The following ZNF148 variants were observed in gnomAD, a reference collection of about 807,000 sequenced individuals.
ZNF148 encodes zinc finger protein 148.
ZNF148 carries 7 observed loss-of-function variants against 67.7 expected under a neutral mutation model. That is an observed-to-expected ratio of 0.10 (90% CI 0.06 to 0.19). The LOEUF (loss-of-function observed/expected upper bound fraction) is 0.19, where lower values mean the gene tolerates loss of function less well. Ranked by LOEUF, ZNF148 falls within the 10% of genes least tolerant of loss-of-function variation. ZNF148 has a pLI of 1.00. For missense variants in ZNF148, 583 were observed against 947.1 expected (o/e 0.62, Z 5.05); for synonymous variants, 333 against 330.7 (o/e 1.01, Z -0.08).
chr3:125,369,361 G>A (rs1438147773), intron 1 of ZNF148, among the ~76,000 whole-genome samples: 2 of 61,692 alleles, frequency 3.2e-5, no homozygotes, highest in Admixed American at 2.5e-4. Context: ...AAACTCTCCA[G>A]AAGACAAAGA....
intron 7 of ZNF148, among the ~76,000 whole-genome samples, chr3:125,236,083 A>G (rs1050262549): frequency 1.9e-5 from 2 of 103,238 alleles, no homozygotes; most frequent in Non-Finnish European, 3.9e-5. Flanking sequence ...CATGTATCCT[A>G]AAACTTAAAG....
At chr3:125,268,270 C>G (rs1357155368) in intron 7 of ZNF148, among the ~76,000 whole-genome samples, 1 of 138,088 alleles carries the variant, frequency 7.2e-6, no homozygotes, top group Non-Finnish European at 1.6e-5. Flanking sequence ...AAAGCCAAAG[C>G]AATCCTAGCC....
intron 1 of ZNF148, among the ~76,000 whole-genome samples, chr3:125,332,992 T>C (rs1941349406): frequency 1.3e-5 from 2 of 152,306 alleles, no homozygotes; most frequent in South Asian, 4.1e-4. Flanking sequence ...CTGCAAAGCC[T>C]ATAGACAGGG....
At chr3:125,312,611 T>C (rs1940275777) in intron 4 of ZNF148, among the ~76,000 whole-genome samples, 2 of 152,126 alleles carry the variant, frequency 1.3e-5, no homozygotes. Context: ...TGACTGAGGG[T>C]AATATCTCAA....
intron 4 of ZNF148, among the ~76,000 whole-genome samples, chr3:125,294,662 A>G (rs1003725407): frequency 6.6e-6 from 1 of 152,180 alleles, no homozygotes; most frequent in Non-Finnish European, 1.5e-5. Flanking sequence ...AATACAATAC[A>G]TGGGGAAGAC....
At chr3:125,338,659 C>CAAA (rs757727396) in intron 1 of ZNF148, among the ~76,000 whole-genome samples, 15,255 of 50,924 alleles carry the variant, frequency 0.3, 4,355 homozygotes, top group Middle Eastern at 0.41. Context: ...GACCCTGTCT[C>CAAA]AAAAAAAAAA....
At chr3:125,322,622 T>C (rs1940834962) in intron 3 of ZNF148, among the ~76,000 whole-genome samples, 1 of 152,128 alleles carries the variant, frequency 6.6e-6, no homozygotes, top group Non-Finnish European at 1.5e-5. Flanking sequence ...ATACAGAAAC[T>C]GCATAGAAGA....
intron 5 of ZNF148, among the ~76,000 whole-genome samples, chr3:125,282,399 T>C (rs1205932218): frequency 1.3e-5 from 2 of 152,174 alleles, no homozygotes; most frequent in East Asian, 3.8e-4. Flanking sequence ...AAGAATTTTA[T>C]GTTTAAAATT....
At chr3:125,350,988 G>A (rs1242379351) in intron 1 of ZNF148, among the ~76,000 whole-genome samples, 1 of 152,192 alleles carries the variant, frequency 6.6e-6, no homozygotes, top group Admixed American at 6.5e-5. Flanking sequence ...AGATAAAGTA[G>A]TCAATCTCAT....
chr3:125,275,353 T>C (rs183117426), intron 7 of ZNF148, among the ~76,000 whole-genome samples: 19 of 152,248 alleles, frequency 1.2e-4, no homozygotes, highest in Admixed American at 2.6e-4. Flanking sequence ...CTACTATACC[T>C]ATAGGAAGGC....
chr3:125,286,929 G>C (rs1455887162), intron 5 of ZNF148, among the ~76,000 whole-genome samples: 2 of 152,132 alleles, frequency 1.3e-5, no homozygotes, highest in African/African-American at 4.8e-5. Flanking sequence ...CAAAATAGTG[G>C]TATGCTGGCA....
At chr3:125,366,663 G>A (rs1001146162) in intron 1 of ZNF148, among the ~76,000 whole-genome samples, 2 of 152,032 alleles carry the variant, frequency 1.3e-5, no homozygotes, top group Non-Finnish European at 1.5e-5. Context: ...GCATATATTA[G>A]ATAGAAGTGT....
At chr3:125,255,987 C>T (rs952113821) in intron 7 of ZNF148, among the ~76,000 whole-genome samples, 2 of 151,904 alleles carry the variant, frequency 1.3e-5, no homozygotes, top group Admixed American at 6.6e-5. Flanking sequence ...TATTCTTCAT[C>T]AATTTTGTAA....
At chr3:125,374,139 T>C (rs569990550) in intron 1 of ZNF148, among the ~76,000 whole-genome samples, 10 of 152,192 alleles carry the variant, frequency 6.6e-5, no homozygotes, top group African/African-American at 2.2e-4. Context: ...CTCATACTCA[T>C]TGGTGCACGT....
At chr3:125,325,619 T>C (rs1003274771) in intron 2 of ZNF148, among the ~76,000 whole-genome samples, 77 of 152,028 alleles carry the variant, frequency 5.1e-4, no homozygotes, top group African/African-American at 1.7e-3. Flanking sequence ...GAACCCTCCA[T>C]CATGCCTGGC....
At chr3:125,363,926 G>T (rs1433282594) in intron 1 of ZNF148, among the ~76,000 whole-genome samples, 2 of 152,098 alleles carry the variant, frequency 1.3e-5, no homozygotes, top group African/African-American at 4.8e-5. Flanking sequence ...TGAGATTACA[G>T]GCATAAGCCA....
At chr3:125,369,797 G>A (rs1416253639) in intron 1 of ZNF148, among the ~76,000 whole-genome samples, 1 of 152,078 alleles carries the variant, frequency 6.6e-6, no homozygotes, top group Non-Finnish European at 1.5e-5. Flanking sequence ...CCAGAATGGT[G>A]AAACCCCACC....
At chr3:125,364,756 T>G (rs1942651782) in intron 1 of ZNF148, among the ~76,000 whole-genome samples, 1 of 152,172 alleles carries the variant, frequency 6.6e-6, no homozygotes, top group South Asian at 2.1e-4. Flanking sequence ...CTACATAAAT[T>G]TATACCTAAG....
intron 4 of ZNF148, 54 bp from the exon 5 acceptor site, chr3:125,288,282 C>G: frequency 6.5e-7 from 1 of 1,539,632 alleles, no homozygotes; most frequent in South Asian, 1.2e-5. Flanking sequence ...TTCATTGTGA[C>G]AAAAGGCCAT....
Sources: allele counts gnomAD v4.1 joint callset (sites outside exome capture counted in the v4.1 genomes callset), GRCh38; gene constraint gnomAD v4.1.1; transcripts MANE v1.5; gene names NCBI Gene and HGNC (gene_info 2026-07-23, HGNC 2026-07-21).